The following ABCA12 variants were observed in gnomAD, a reference collection of about 807,000 sequenced individuals.
The protein encoded by ABCA12 is ATP binding cassette subfamily A member 12, also known as glucosylceramide transporter ABCA12.
A neutral mutation model predicts 293.5 loss-of-function variants in ABCA12; 156 were observed. The observed-to-expected ratio is 0.53, with a 90% CI of 0.47 to 0.61. ABCA12 has a LOEUF of 0.61. Ranked by LOEUF, ABCA12 falls within the 20% of genes least tolerant of loss-of-function variation. ABCA12 has a pLI of 0.00. For synonymous variants in ABCA12, 1,063 were observed against 1,108.0 expected (o/e 0.96, Z 0.81); for missense variants, 2,797 against 3,090.2 (o/e 0.91, Z 2.25).
At chr2:215,112,815 A>G (rs1702605585) in intron 1 of ABCA12, among the ~76,000 whole-genome samples, 1 of 152,002 alleles carries the variant, frequency 6.6e-6, no homozygotes, top group South Asian at 2.1e-4. Context: ...TTCATTAGAG[A>G]ATTTCACTTT....
At chr2:215,012,266 A>C (rs1451757591) in intron 15 of ABCA12, 131 bp from the exon 16 acceptor site, 39 of 760,602 alleles carry the variant, frequency 5.1e-5, no homozygotes, top group Non-Finnish European at 7.7e-5. Flanking sequence ...GTTAAATGTA[A>C]ATTTAACACT....
intron 14 of ABCA12, among the ~76,000 whole-genome samples, chr2:215,016,231 T>A (rs1033651021): frequency 1.3e-4 from 19 of 151,704 alleles, no homozygotes; most frequent in African/African-American, 4.6e-4. Context: ...GCTGGGTGAA[T>A]GATGATACCA....
At chr2:215,119,942 A>C (rs1174654418) in intron 1 of ABCA12, among the ~76,000 whole-genome samples, 4 of 152,138 alleles carry the variant, frequency 2.6e-5, no homozygotes, top group African/African-American at 9.7e-5. Flanking sequence ...CCAGAGGAAA[A>C]AAGATCATTA....
chr2:215,052,307 A>T (rs1439885019), intron 5 of ABCA12, among the ~76,000 whole-genome samples, 180 bp downstream of exon 5: 1 of 149,820 alleles, frequency 6.7e-6, no homozygotes, highest in Non-Finnish European at 1.5e-5. Context: ...GATATTAAGG[A>T]ATTCAGAATG....
chr2:215,064,563 A>G (rs939048293), intron 2 of ABCA12, among the ~76,000 whole-genome samples: 4 of 152,080 alleles, frequency 2.6e-5, no homozygotes, highest in African/African-American at 9.7e-5. Context: ...CAGTGTATCC[A>G]CATGATAAAA....
chr2:214,984,668 C>T (rs760854073), intron 28 of ABCA12, among the ~76,000 whole-genome samples: 1 of 152,092 alleles, frequency 6.6e-6, no homozygotes, highest in Non-Finnish European at 1.5e-5. Context: ...TGCCTCTTTC[C>T]CCATGTGATA....
At chr2:215,077,237 G>C (rs1276259424) in intron 2 of ABCA12, among the ~76,000 whole-genome samples, 1 of 152,170 alleles carries the variant, frequency 6.6e-6, no homozygotes, top group East Asian at 1.9e-4. Context: ...CAATGTGTTT[G>C]AAATATTTCA....
intron 7 of ABCA12, among the ~76,000 whole-genome samples, chr2:215,039,712 G>T (rs113541155): frequency 6.6e-6 from 1 of 151,812 alleles, no homozygotes; most frequent in Non-Finnish European, 1.5e-5. Context: ...CCCAGATCCC[G>T]CCACTGCACT....
At position 214,934,099 on chromosome 2, in the gene ABCA12, C is replaced by G. The variant is rs754571047; in HGVS notation, c.7659G>C (p.Val2553=). ...KTALNITNFL[V]SQTTLEEVFI... ...TTACCTCTTCCAGAGTGGTCTGACT[C>G]ACTAAGAAATTTGTAATATTTAAAG... is the stretch of plus-strand genomic sequence containing the variant. The change falls in exon 52 of 53, where the codon GTG becomes GTC. Residue 2553 remains valine (V), a synonymous_variant. Transcript: ENST00000272895. The G allele has an allele frequency of 1.9e-6, 3 of 1,613,618 alleles. No individual in the cohort carries two copies. Among genetic ancestry groups the G allele is most frequent in the Non-Finnish European group, 2.5e-6 (3 of 1,179,708 alleles).
chr2:215,115,076 T>C (rs1702657700), intron 1 of ABCA12, among the ~76,000 whole-genome samples: 1 of 152,148 alleles, frequency 6.6e-6, no homozygotes, highest in Non-Finnish European at 1.5e-5. Flanking sequence ...ATATTTTGAA[T>C]CCAGACAAAA....
intron 39 of ABCA12, among the ~76,000 whole-genome samples, chr2:214,964,108 CA>C (rs1699192643): frequency 6.6e-6 from 1 of 152,064 alleles, no homozygotes; most frequent in Non-Finnish European, 1.5e-5. Context: ...TGATTTATCA[CA>C]TAAACAGAAC....
chr2:215,028,961 T>C (rs1449817244), intron 9 of ABCA12: 1 of 152,152 alleles, frequency 6.6e-6, no homozygotes, highest in African/African-American at 2.4e-5. Context: ...ATTCTAAAGA[T>C]AAGCTGGAAG....
rs144220620 is a variant in ABCA12, at chr2:214,982,354, T to C, written c.4412A>G (p.His1471Arg). Residue 1471 changes from histidine to arginine, a missense_variant, in exon 30 of 53, where the codon CAT (histidine) becomes CGT (arginine). Around this residue, in one of 3 missense-constraint regions of ABCA12, gnomAD observed 2,130 missense variants for 2,427.0 expected, o/e 0.88. Transcript: ENST00000272895. ...RTLKDTGLYS[H>R]RHKRVGTLSG... ...CAGTGTTCCAACTCTCTTATGACGA[T>C]GGCTATATAGTCCAGTATCTTTTAA... The C allele has an allele frequency of 6.8e-6, 11 of 1,613,932 alleles. No homozygotes were observed. Among genetic ancestry groups the C allele is most frequent in the African/African-American group, 2.7e-5 (2 of 74,926 alleles).
chr2:215,105,346 G>A (rs1255502339), intron 2 of ABCA12, among the ~76,000 whole-genome samples: 1 of 152,134 alleles, frequency 6.6e-6, no homozygotes, highest in African/African-American at 2.4e-5. Flanking sequence ...AAGATAAAAG[G>A]ACATGCATCA....
chr2:215,058,979 T>G (rs942576201), intron 3 of ABCA12, among the ~76,000 whole-genome samples: 1 of 152,024 alleles, frequency 6.6e-6, no homozygotes, highest in Non-Finnish European at 1.5e-5. Context: ...CTTTTTCCTA[T>G]GAGTAGGAAA....
intron 11 of ABCA12, among the ~76,000 whole-genome samples, chr2:215,020,949 G>A (rs990336297): frequency 2.0e-5 from 3 of 152,160 alleles, no homozygotes; most frequent in Non-Finnish European, 2.9e-5. Flanking sequence ...AGGCTCAGGT[G>A]ATCCTCTCAC....
At chr2:215,044,838 A>G (rs1376365897) in intron 7 of ABCA12, among the ~76,000 whole-genome samples, 1 of 152,196 alleles carries the variant, frequency 6.6e-6, no homozygotes, top group African/African-American at 2.4e-5. Flanking sequence ...CTTTGAATAG[A>G]TATAAGCTCT....
chr2:215,115,405 T>C (rs1193426225), intron 1 of ABCA12, among the ~76,000 whole-genome samples: 1 of 152,198 alleles, frequency 6.6e-6, no homozygotes, highest in Non-Finnish European at 1.5e-5. Context: ...AAATGCGGTG[T>C]CAAGGATTCA....
chr2:215,138,058 T>A (rs1703269265), intron 1 of ABCA12, 82 bp downstream of exon 1: 1 of 1,373,352 alleles, frequency 7.3e-7, no homozygotes, highest in African/African-American at 1.4e-5. Flanking sequence ...TCTTCTGTTT[T>A]CACTTCTCAT....
Sources: gnomAD v4.1 joint callset for allele counts (sites outside exome capture counted in the v4.1 genomes callset) on GRCh38, gnomAD v4.1.1 for gene constraint, gnomAD v4.1.1 regional missense constraint, MANE v1.5 for transcripts, NCBI Gene and HGNC (gene_info 2026-07-23, HGNC 2026-07-21) for gene names.